Variants in TNFSF8 observed in about 807,000 individuals in gnomAD.
TNFSF8 encodes the protein TNF superfamily member 8.
TNFSF8 carries 4 observed loss-of-function variants against 22.0 expected under a neutral mutation model. The ratio of observed to expected loss-of-function variants is 0.18; its 90% CI spans 0.09 to 0.42. TNFSF8 has a LOEUF of 0.42. TNFSF8 is among the 10% of genes least tolerant of loss of function. The pLI, the probability that TNFSF8 is intolerant of heterozygous loss-of-function variation, is 1.00. For synonymous variants in TNFSF8, 106 were observed against 112.5 expected, an observed-to-expected ratio of 0.94 and a Z score of 0.37; for missense variants, 233 against 281.8, an observed-to-expected ratio of 0.83 and a Z score of 1.24.
At chr9:114,925,564 T>G (rs1828047083) in intron 1 of TNFSF8, among the ~76,000 whole-genome samples, 1 of 152,194 alleles carries the variant, frequency 6.6e-6, no homozygotes, top group Non-Finnish European at 1.5e-5. Flanking sequence ...CCTACACTTC[T>G]ATTTTGTATC....
intron 1 of TNFSF8, among the ~76,000 whole-genome samples, chr9:114,926,927 A>T (rs1164015436): frequency 6.8e-6 from 1 of 147,484 alleles, no homozygotes; most frequent in Admixed American, 6.8e-5. Context: ...AATATTATAA[A>T]ATATATCAAT....
At chr9:114,925,895 T>G (rs1828051410) in intron 1 of TNFSF8, among the ~76,000 whole-genome samples, 1 of 152,178 alleles carries the variant, frequency 6.6e-6, no homozygotes, top group Non-Finnish European at 1.5e-5. Flanking sequence ...AGAGGCTTTT[T>G]GAAATGTAAA....
chr9:114,902,100 C>T lies in TNFSF8; in HGVS notation c.*1831G>A, dbSNP rs77691228. ...ATCAGGGCCTACATTCCATCTCAAA[C>T]GGCTTGTCAAGGTCCTTCCACAAAT... On this transcript the variant is annotated 3_prime_UTR_variant, in exon 4 of 4. Coordinates refer to ENST00000223795, the MANE Select transcript of TNFSF8 (RefSeq NM_001244.4). The T allele has an allele frequency of 3.8e-3, 3,785 of 985,346 alleles. 39 individuals carry two copies. The highest frequency in any genetic ancestry group is 0.034 in the South Asian group (732 of 21,276). The allele number at this position is 985,346 out of a possible 1,614,324, so 61.0% of individuals were successfully genotyped here.
chr9:114,925,082 G>A (rs1028417376), intron 1 of TNFSF8, among the ~76,000 whole-genome samples: 1 of 152,190 alleles, frequency 6.6e-6, no homozygotes, highest in African/African-American at 2.4e-5. Context: ...AAGAAGAGGT[G>A]TAGAGTCAGC....
downstream of TNFSF8, among the ~76,000 whole-genome samples, chr9:114,900,471 C>T (rs1168141239): frequency 6.6e-6 from 1 of 152,170 alleles, no homozygotes; most frequent in Non-Finnish European, 1.5e-5. Context: ...TTCCAATCTC[C>T]ATTATTTCCC....
chr9:114,924,851 A>G (rs989798427), intron 1 of TNFSF8, among the ~76,000 whole-genome samples: 1 of 152,208 alleles, frequency 6.6e-6, no homozygotes, highest in Non-Finnish European at 1.5e-5. Flanking sequence ...CCCAGAAGAC[A>G]GGGTCTTGCC....
At chr9:114,894,242 A>G in intron 4 of TNFSF8, 1 of 1,268,916 alleles carries the variant, frequency 7.9e-7, no homozygotes, top group Non-Finnish European at 1.1e-6. Context: ...GTTACTCAGA[A>G]GCCCACAGTT....
chr9:114,903,808 A>G lies in TNFSF8; in HGVS notation c.*123T>C, dbSNP rs1406623151. ...CTTTCCAAGAGACAGAAGGAGAAGTATACTATTTAATACCCTGTGTAGTTT... is the reference window on the plus strand; with the variant it reads ...CTTTCCAAGAGACAGAAGGAGAAGTGTACTATTTAATACCCTGTGTAGTTT... On this transcript the variant is annotated 3_prime_UTR_variant, in exon 4 of 4. Coordinates refer to ENST00000223795, the MANE Select transcript of TNFSF8 (RefSeq NM_001244.4). 3 of 1,466,426 alleles carry G rather than the reference A, an allele frequency of 2.0e-6. No homozygotes were observed. The highest frequency in any genetic ancestry group is 1.8e-6 in the Non-Finnish European group (2 of 1,115,786). The allele number at this position is 1,466,426 out of a possible 1,614,324, so 90.8% of individuals were successfully genotyped here.
intron 1 of TNFSF8, among the ~76,000 whole-genome samples, 170 bp from the exon 2 acceptor site, chr9:114,918,308 C>T (rs1172873266): frequency 1.3e-5 from 2 of 152,084 alleles, no homozygotes; most frequent in Non-Finnish European, 2.9e-5. Flanking sequence ...GGCTTTCTAT[C>T]CATTTGTTTG....
At position 114,902,991 on chromosome 9, in the gene TNFSF8, T is replaced by A. The variant is rs1827735639; in HGVS notation, c.*940A>T. Reference sequence around the variant, plus strand: ...AGAGACAAGAACTTAGAGGCATCTTTCCTGCCTAGCAGACTGGATTCCCCA... The same window carrying A: ...AGAGACAAGAACTTAGAGGCATCTTACCTGCCTAGCAGACTGGATTCCCCA... On this transcript the variant is annotated 3_prime_UTR_variant, in exon 4 of 4. Coordinates refer to ENST00000223795, the MANE Select transcript of TNFSF8 (RefSeq NM_001244.4). 1 of 153,800 alleles carries A rather than the reference T, an allele frequency of 6.5e-6. No individual in the cohort carries two copies. The highest frequency in any genetic ancestry group is 1.4e-5 in the Non-Finnish European group (1 of 69,496). 9.5% of individuals were successfully genotyped at this position (153,800 alleles called of 1,614,324 possible).
chr9:114,908,834 A>G (rs1295498289), intron 2 of TNFSF8, among the ~76,000 whole-genome samples: 1 of 152,120 alleles, frequency 6.6e-6, no homozygotes, highest in Non-Finnish European at 1.5e-5. Context: ...TAGAGGAGCT[A>G]TTGAGGGAAT....
chr9:114,907,872 A>G (rs1303552008), intron 2 of TNFSF8, among the ~76,000 whole-genome samples: 1 of 152,206 alleles, frequency 6.6e-6, no homozygotes, highest in Non-Finnish European at 1.5e-5. Flanking sequence ...TTAAAGGTTA[A>G]CTGACTTGTT....
At chr9:114,896,793 A>AT (rs796881752), downstream of TNFSF8, among the ~76,000 whole-genome samples, 3 of 151,194 alleles carry the variant, frequency 2.0e-5, no homozygotes, top group African/African-American at 4.9e-5. Context: ...GCAAAGATTT[A>AT]TTTTTTTTTC....
exon 5 of TNFSF8, chr9:114,893,974 T>G: frequency 1.1e-6 from 1 of 920,786 alleles, no homozygotes; most frequent in South Asian, 1.4e-5. Flanking sequence ...CTATGTCGGT[T>G]TAGGCCCAGA....
rs1299293103 is a variant in TNFSF8, at chr9:114,901,909, T to C, written c.*2022A>G. ...AAGTCCCTTTCATCCATACCACCACTGCTGATTTGTTCTTTCTTTTTTTCT... is the reference window on the plus strand; with the variant it reads ...AAGTCCCTTTCATCCATACCACCACCGCTGATTTGTTCTTTCTTTTTTTCT... On this transcript the variant is annotated 3_prime_UTR_variant, in exon 4 of 4. Coordinates refer to ENST00000223795, the MANE Select transcript of TNFSF8 (RefSeq NM_001244.4). The C allele has an allele frequency of 4.1e-6, 4 of 975,394 alleles. No homozygotes were observed. The highest frequency in any genetic ancestry group is 4.9e-6 in the Non-Finnish European group (4 of 820,948). 60.4% of individuals were successfully genotyped at this position (975,394 alleles called of 1,614,324 possible).
chr9:114,913,355 C>T (rs1016634260), intron 2 of TNFSF8, among the ~76,000 whole-genome samples: 1 of 152,230 alleles, frequency 6.6e-6, no homozygotes, highest in Non-Finnish European at 1.5e-5. Flanking sequence ...GCACATGACC[C>T]TTCAGCTGCA....
intron 1 of TNFSF8, among the ~76,000 whole-genome samples, chr9:114,924,441 ACT>A (rs1828032358): frequency 6.6e-6 from 1 of 152,146 alleles, no homozygotes. Flanking sequence ...ATTAATATTA[ACT>A]CTCTTGGCAA....
chr9:114,900,300 A>G (rs1827701529), downstream of TNFSF8, among the ~76,000 whole-genome samples: 1 of 152,218 alleles, frequency 6.6e-6, no homozygotes, highest in South Asian at 2.1e-4. Context: ...CCTTAAATTA[A>G]GAGGATGGAG....
chr9:114,930,232 C>CGCCGGCACATGCATGGCT lies in TNFSF8; in HGVS notation c.54_71dup (p.Ala19_Ala24dup). ...TCCCCAGGTGGCTGGCCACGGAGCCCGCCGGCACATGCATGGCTGTGTCTC... is the reference window on the plus strand; with the variant it reads ...TCCCCAGGTGGCTGGCCACGGAGCCCGCCGGCACATGCATGGCTGCCGGCACATGCATGGCTGTGTCTC... On this transcript the variant is annotated inframe_insertion, in exon 1 of 4. Coordinates refer to ENST00000223795, the MANE Select transcript of TNFSF8 (RefSeq NM_001244.4). The CGCCGGCACATGCATGGCT allele has an allele frequency of 1.9e-6, 3 of 1,607,700 alleles. 1 individual carries two copies. In the Middle Eastern group the frequency reaches 5.0e-4, roughly 267 times the overall value.
Sources: allele counts gnomAD v4.1 joint callset (sites outside exome capture counted in the v4.1 genomes callset), GRCh38; gene constraint gnomAD v4.1.1; transcripts MANE v1.5; gene names NCBI Gene and HGNC (gene_info 2026-07-23, HGNC 2026-07-21).